Variants in MTMR3 observed in about 807,000 individuals in gnomAD.
MTMR3 encodes the protein phosphatidylinositol-3,5-bisphosphate 3-phosphatase MTMR3.
In MTMR3, 32 loss-of-function variants were observed where a neutral mutation model predicts 132.4. The ratio of observed to expected loss-of-function variants is 0.24; its 90% CI spans 0.18 to 0.32. The LOEUF is 0.32. MTMR3 is among the 10% of genes least tolerant of loss of function. The pLI is 1.00. For missense variants in MTMR3, 1,216 were observed against 1,489.6 expected (o/e 0.82, Z 3.02); for synonymous variants, 556 against 550.3 (o/e 1.01, Z -0.14).
chr22:29,972,888 A>C (rs914321494), intron 3 of MTMR3, among the ~76,000 whole-genome samples: 1 of 152,064 alleles, frequency 6.6e-6, no homozygotes, highest in Admixed American at 6.6e-5. Context: ...TTCCTTTCTA[A>C]CTAGTTCATG....
intron 9 of MTMR3, 96 bp downstream of exon 9, chr22:30,003,089 G>C (rs879133372): frequency 1.1e-6 from 1 of 907,630 alleles, no homozygotes; most frequent in Non-Finnish European, 1.8e-6. Flanking sequence ...GAAGGGTGGG[G>C]AGAGTTCAGA....
intron 2 of MTMR3, among the ~76,000 whole-genome samples, chr22:29,962,910 CTTTT>C (rs892383539): frequency 1.5e-5 from 2 of 133,614 alleles, no homozygotes; most frequent in Non-Finnish European, 3.2e-5. Flanking sequence ...TCTCTTTTTT[CTTTT>C]TTTTTTTTTT....
chr22:30,030,647 G>GGTGGGTGT lies in MTMR3; in HGVS notation c.*4848_*4849insGGGTGTGT, dbSNP rs1555928371. 1 of 76,360 alleles carries GGTGGGTGT rather than the reference G, an allele frequency of 1.3e-5. No homozygotes were observed. Among genetic ancestry groups the GGTGGGTGT allele is most frequent in the African/African-American group, 4.9e-5 (1 of 20,266 alleles). The allele number at this position is 76,360 out of a possible 1,614,324, so 4.7% of individuals were successfully genotyped here. ...CTCAGCGAGGAGGGGGCGGGGGGGG[G>GGTGGGTGT]GTCACTATTTATCTTCCAGAGGCAG... On this transcript the variant is annotated 3_prime_UTR_variant, in exon 20 of 20. Coordinates refer to ENST00000401950, the MANE Select transcript of MTMR3 (RefSeq NM_021090.4).
At chr22:29,902,138 A>G (rs2065012598) in intron 1 of MTMR3, among the ~76,000 whole-genome samples, 1 of 152,158 alleles carries the variant, frequency 6.6e-6, no homozygotes, top group Non-Finnish European at 1.5e-5. Context: ...AGAACATTAT[A>G]AATTGCTTGG....
intron 2 of MTMR3, among the ~76,000 whole-genome samples, chr22:29,966,295 A>G (rs1488864420): frequency 6.6e-6 from 1 of 152,192 alleles, no homozygotes; most frequent in South Asian, 2.1e-4. Context: ...ATATCATCAG[A>G]TATTTAGTAT....
At chr22:29,998,931 A>C (rs762532609) in intron 8 of MTMR3, 74 bp downstream of exon 8, 107 of 901,702 alleles carry the variant, frequency 1.2e-4, no homozygotes, top group Non-Finnish European at 1.7e-4. Flanking sequence ...CATGTGGCAG[A>C]ACATTTGAAC....
At chr22:29,953,745 T>G (rs2066127570) in intron 1 of MTMR3, among the ~76,000 whole-genome samples, 1 of 152,140 alleles carries the variant, frequency 6.6e-6, no homozygotes, top group East Asian at 1.9e-4. Flanking sequence ...TCCAGAAAGG[T>G]GTATTTATTT....
chr22:29,962,391 G>A (rs1431277694), intron 2 of MTMR3, among the ~76,000 whole-genome samples: 2 of 152,168 alleles, frequency 1.3e-5, no homozygotes, highest in Non-Finnish European at 2.9e-5. Context: ...TTCAGGCCAG[G>A]TGTGGTGGCT....
intron 2 of MTMR3, among the ~76,000 whole-genome samples, chr22:29,963,445 A>G (rs994838533): frequency 6.8e-6 from 1 of 146,090 alleles, no homozygotes; most frequent in African/African-American, 2.6e-5. Flanking sequence ...GCTGGAGGGC[A>G]ATGGTGCGAT....
At chr22:29,992,457 C>G (rs2066982798) in intron 7 of MTMR3, 1 of 152,094 alleles carries the variant, frequency 6.6e-6, no homozygotes, top group African/African-American at 2.4e-5. Context: ...CTTCCTGACT[C>G]CTCTATAGTC....
At chr22:29,929,150 G>A (rs534364717) in intron 1 of MTMR3, among the ~76,000 whole-genome samples, 10 of 152,014 alleles carry the variant, frequency 6.6e-5, no homozygotes, top group African/African-American at 1.9e-4. Context: ...GCGGGGTGGC[G>A]TGTGCCTGTA....
rs1045547373 is a variant in MTMR3, at chr22:30,013,696, G to T, written c.1503+155G>T. ...GCTTTTTTTTTTAGTAAATAATTTT[G>T]CTATTTTCAAAAAGAGAAAATCCAG... On this transcript the variant is annotated intron_variant, in intron 14 of 19. Transcript: ENST00000401950. 9 of 736,602 alleles carry T rather than the reference G, an allele frequency of 1.2e-5. No individual in the cohort carries two copies. The African/African-American group carries it at 1.3e-4, about 11-fold the overall frequency. 45.6% of individuals were successfully genotyped at this position (736,602 alleles called of 1,614,324 possible). A position where few individuals can be genotyped will look rare whatever the true frequency, so the allele number is the denominator to read the frequency against.
intron 1 of MTMR3, among the ~76,000 whole-genome samples, chr22:29,927,942 T>G (rs886079460): frequency 9.6e-5 from 14 of 145,092 alleles, no homozygotes; most frequent in Admixed American, 8.2e-4. Flanking sequence ...AGCCTTTGTT[T>G]TTTTTTTTTT....
chr22:29,944,705 G>A (rs910096354), intron 1 of MTMR3, among the ~76,000 whole-genome samples: 2 of 152,146 alleles, frequency 1.3e-5, no homozygotes, highest in Non-Finnish European at 2.9e-5. Context: ...TTGTATGTTA[G>A]CCAGTTGATT....
Position 30,020,004 on chromosome 22 carries a change from C to A in MTMR3, c.2345C>A (p.Pro782His). 6.2e-7 allele frequency: 1 copy of A among 1,614,174 alleles called. No homozygotes were observed. Among genetic ancestry groups the A allele is most frequent in the African/African-American group, 1.3e-5 (1 of 75,038 alleles). ...LSVLLSSLQV[P>H]PRGEDSLEVP... is the part of the protein sequence containing the mutation. ...GTTCTCCTCAGTTCTCTCCAGGTCC[C>A]CCCCAGGGGAGAGGATTCCCTGGAG... Residue 782 changes from proline (P) to histidine (H), a missense_variant, in exon 17 of 20, where the codon CCC becomes CAC. Pro to His is a moderately conservative substitution (Grantham distance 77). Around this residue, in one of 7 missense-constraint regions of MTMR3, gnomAD observed 852 missense variants for 852.0 expected, o/e 1.00. Transcript: ENST00000401950.
At chr22:29,896,304 C>T (rs1332126495) in intron 1 of MTMR3, among the ~76,000 whole-genome samples, 1 of 152,110 alleles carries the variant, frequency 6.6e-6, no homozygotes, top group East Asian at 1.9e-4. Context: ...AGTGAGACTC[C>T]ATCTCAAAAA....
rs532143374 is a variant in MTMR3 at position 30,021,299 on chromosome 22, C to T, written c.3225+415C>T. 6 of 187,900 alleles carry T rather than the reference C, an allele frequency of 3.2e-5. No individual in the cohort carries two copies. In the South Asian group the frequency reaches 7.2e-4, roughly 23 times the overall value. 11.6% of individuals were successfully genotyped at this position (187,900 alleles called of 1,614,324 possible). On this transcript the variant is annotated intron_variant, in intron 17 of 19. Transcript: ENST00000401950. ...AAGTATTAGTCCTTCCAGACGTGGG[C>T]TATGGCTTTGAAGGTTCAGTTCTTT...
intron 1 of MTMR3, among the ~76,000 whole-genome samples, chr22:29,916,691 C>G (rs988252356): frequency 6.6e-6 from 1 of 152,152 alleles, no homozygotes; most frequent in African/African-American, 2.4e-5. Flanking sequence ...TTTATAAATA[C>G]AAGGTTTGCA....
chr22:29,951,645 CTA>C (rs2066081615), intron 1 of MTMR3, among the ~76,000 whole-genome samples: 2 of 152,134 alleles, frequency 1.3e-5, no homozygotes, highest in Non-Finnish European at 2.9e-5. Flanking sequence ...AATCACTAAT[CTA>C]CTGTTTCAGA....
Sources: gnomAD v4.1 joint callset for allele counts (sites outside exome capture counted in the v4.1 genomes callset) on GRCh38, gnomAD v4.1.1 for gene constraint, gnomAD v4.1.1 regional missense constraint, MANE v1.5 for transcripts, NCBI Gene and HGNC (gene_info 2026-07-23, HGNC 2026-07-21) for gene names.